CCDC47: variants seen among roughly 807,000 people sequenced by gnomAD.
The protein encoded by CCDC47 is coiled-coil domain containing 47.
A neutral mutation model predicts 60.5 loss-of-function variants in CCDC47; 41 were observed. The observed-to-expected ratio is 0.68, with a 90% confidence interval of 0.53 to 0.88. The LOEUF (loss-of-function observed/expected upper bound fraction) is 0.88. CCDC47 is among the 40% of genes least tolerant of loss of function. The probability of loss-of-function intolerance (pLI) is 0.00; values close to 1 mark genes in which losing one functional copy is unlikely to be tolerated. For synonymous variants in CCDC47, 195 were observed against 190.7 expected, an observed-to-expected ratio of 1.02 and a Z score of -0.18; for missense variants, 513 against 580.9, an observed-to-expected ratio of 0.88 and a Z score of 1.20.
intron 12 of CCDC47, chr17:63,751,638 A>G: frequency 1.9e-6 from 1 of 526,244 alleles, no homozygotes; most frequent in Non-Finnish European, 3.3e-6. Context: ...TTCTATTAAA[A>G]TTTCTAACTT....
intron 1 of CCDC47, among the ~76,000 whole-genome samples, chr17:63,769,916 A>G (rs1266643098): frequency 1.3e-5 from 2 of 151,370 alleles, no homozygotes; most frequent in African/African-American, 4.8e-5. Flanking sequence ...AATATTAGTT[A>G]GCTTGTATGG....
intron 4 of CCDC47, chr17:63,762,217 C>T (rs1204700382): frequency 3.0e-6 from 3 of 985,260 alleles, no homozygotes; most frequent in East Asian, 1.1e-4. Context: ...ATTGCTCAAC[C>T]TCACAAGGGA....
At chr17:63,747,249 A>AT in intron 12 of CCDC47, 1 of 984,962 alleles carries the variant, frequency 1.0e-6, no homozygotes, top group Non-Finnish European at 1.2e-6. Flanking sequence ...TTCTGGTTTG[A>AT]TTTTTTTCTG....
rs59161342 is a variant in CCDC47 at position 63,751,365 on chromosome 17, C to CAAAAAAAAAAAAAAAAAAAAAA, written c.1371+553_1371+574dup. On this transcript the variant is annotated intron_variant, in intron 12 of 12. Transcript: ENST00000225726. ...TGGGTGACAGAGTGAGACTCCATCT[C>CAAAAAAAAAAAAAAAAAAAAAA]AAAAAAAAAAAAAAAAAAAAAAAAA... Among the ~76,000 whole-genome samples, 16 of 29,512 alleles carry CAAAAAAAAAAAAAAAAAAAAAA rather than the reference C, an allele frequency of 5.4e-4. 1 individual carries two copies. The highest frequency in any genetic ancestry group is 6.7e-4 in the Non-Finnish European group (11 of 16,480). 19.4% of individuals were successfully genotyped at this position (29,512 alleles called of 152,430 possible).
chr17:63,762,270 G>C (rs1041904315), intron 4 of CCDC47: 1 of 984,528 alleles, frequency 1.0e-6, no homozygotes, highest in African/African-American at 1.7e-5. Context: ...AGGGGAAGTA[G>C]AAGGAGCCAA....
chr17:63,757,522 T>C (rs1184818658), intron 6 of CCDC47, among the ~76,000 whole-genome samples: 3 of 151,990 alleles, frequency 2.0e-5, no homozygotes, highest in Non-Finnish European at 4.4e-5. Context: ...GTTAAAACCC[T>C]AGAGGACCCA....
At chr17:63,767,809 A>G (rs2039308045) in intron 1 of CCDC47, among the ~76,000 whole-genome samples, 1 of 152,132 alleles carries the variant, frequency 6.6e-6, no homozygotes, top group African/African-American at 2.4e-5. Flanking sequence ...TCTCAAAATC[A>G]TCAGGTATCT....
chr17:63,769,782 CATA>C (rs2039323667), intron 1 of CCDC47, among the ~76,000 whole-genome samples: 1 of 152,054 alleles, frequency 6.6e-6, no homozygotes, highest in Non-Finnish European at 1.5e-5. Context: ...AAAAATATCT[CATA>C]ATGTTTTAAG....
intron 1 of CCDC47, 82 bp from the exon 2 acceptor site, chr17:63,766,276 C>T: frequency 2.3e-6 from 3 of 1,290,948 alleles, no homozygotes; most frequent in Non-Finnish European, 3.1e-6. Flanking sequence ...AATCTATAAA[C>T]CTCTCCTGCT....
In CCDC47 at chr17:63,756,515, C is replaced by T; in HGVS notation, c.791G>A (p.Gly264Asp). ...EDMDTYVFAV[G>D]TRKALVRLQK... ...TAGTCGCACCAAGGCTTTCCGTGTG[C>T]CAACAGCAAATACGTAGGTATCCAT... Residue 264 changes from glycine (G) to aspartate (D), a missense_variant, in exon 7 of 13, where the codon GGC becomes GAC. Transcript: ENST00000225726. 6.2e-7 allele frequency: 1 copy of T among 1,614,060 alleles called. No homozygotes were observed. Among genetic ancestry groups the T allele is most frequent in the East Asian group, 2.2e-5 (1 of 44,884 alleles).
In CCDC47 at chr17:63,752,736, C is replaced by T; in HGVS notation, c.1093+5G>A. 1.2e-6 allele frequency: 2 copies of T among 1,610,486 alleles called. No homozygotes were observed. The highest frequency in any genetic ancestry group is 2.2e-5 in the East Asian group (1 of 44,642). On this transcript the variant is annotated splice_donor_5th_base_variant and intron_variant, in intron 10 of 12. Transcript: ENST00000225726. Reference sequence around the variant, plus strand: ...AAGAACCCAGAAAGGACCCAGAATACTTACCATTAAATGTAAACAACAGTG... The same window carrying T: ...AAGAACCCAGAAAGGACCCAGAATATTTACCATTAAATGTAAACAACAGTG...
At chr17:63,759,578 A>G (rs183339791) in intron 6 of CCDC47, among the ~76,000 whole-genome samples, 1 of 104,922 alleles carries the variant, frequency 9.5e-6, no homozygotes, top group East Asian at 3.3e-4. Context: ...TATATATATA[A>G]AACAATGATT....
At position 63,760,968 on chromosome 17, in the gene CCDC47, T is replaced by G; in HGVS notation, c.681A>C (p.Arg227Ser). The change falls in exon 6 of 13, where the codon AGA becomes AGC. Residue 227 changes from arginine (R) to serine (S), a missense_variant. By Grantham distance (110) the Arg-to-Ser change is moderately radical. Transcript: ENST00000225726. ...GMLIQLRFLK[R>S]QDLLNVLARM... is the part of the protein sequence containing the mutation. ...GGGCCAGGACATTCAGTAAGTCTTG[T>G]CTCTTGAGGAACTGAAAAAAATGAG... 6.2e-7 allele frequency: 1 copy of G among 1,613,538 alleles called. No homozygotes were observed. Among genetic ancestry groups the G allele is most frequent in the Non-Finnish European group, 8.5e-7 (1 of 1,179,644 alleles).
rs1195744838 is a variant in CCDC47 at position 63,764,862 on chromosome 17, C to T, written c.265-15G>A. On this transcript the variant is annotated splice_polypyrimidine_tract_variant and intron_variant, in intron 2 of 12. Coordinates refer to ENST00000225726, the MANE Select transcript of CCDC47 (RefSeq NM_020198.3). ...GTATCTCCCTCCTACAAAAATGAGGCATCATCCGTTTTCCTCTACAAATGT... is the reference window on the plus strand; with the variant it reads ...GTATCTCCCTCCTACAAAAATGAGGTATCATCCGTTTTCCTCTACAAATGT... The T allele has an allele frequency of 1.9e-6, 3 of 1,605,796 alleles. No individual in the cohort carries two copies. The Admixed American group carries it at 5.2e-5, about 28-fold the overall frequency.
chr17:63,745,960 G>A lies in CCDC47; in HGVS notation c.*921C>T, dbSNP rs569947897. ...AAGAACATACCCAGCCTCAACTGTG[G>A]AAAAGATAAAAGCAGAGGGAGAAGC... On this transcript the variant is annotated 3_prime_UTR_variant, in exon 13 of 13. Coordinates refer to ENST00000225726, the MANE Select transcript of CCDC47 (RefSeq NM_020198.3). 9 of 152,254 alleles carry A rather than the reference G, an allele frequency of 5.9e-5. No homozygotes were observed. Among genetic ancestry groups the A allele is most frequent in the African/African-American group, 1.4e-4 (6 of 41,552 alleles). 9.4% of individuals were successfully genotyped at this position (152,254 alleles called of 1,614,324 possible).
Position 63,754,440 on chromosome 17 carries a change from TA to T in CCDC47, c.1026del (p.Met343CysfsTer8). 1 of 1,592,552 alleles carries T rather than the reference TA, an allele frequency of 6.3e-7. No individual in the cohort carries two copies. ...ATTTTATCTTATACGTACTCTTGCA[TA>T]ATTTTTGGACCAGAGAACTGGTCTG... ...HFSDQFSGPKIMQEEGQPLKL... is the reference protein window; with the variant it reads ...HFSDQFSGPKXMQEEGQPLKL... On this transcript the variant is annotated frameshift_variant, in exon 9 of 13. Transcript: ENST00000225726. LOFTEE classifies it high-confidence loss of function.
At chr17:63,753,824 G>A (rs1205616923) in intron 9 of CCDC47, among the ~76,000 whole-genome samples, 1 of 152,130 alleles carries the variant, frequency 6.6e-6, no homozygotes, top group Non-Finnish European at 1.5e-5. Context: ...AAGAACCTAT[G>A]GACTGGGGCA....
In CCDC47 at chr17:63,752,029, C is replaced by T; in HGVS notation, c.1282G>A (p.Ala428Thr). ...TTCTCCTCCCGCCGAGACTGTGCTG[C>T]TTCCTGTCTTTGCACATGTGTCAGT... Reference protein sequence around the residue: ...LKLTHVQRQEAAQSRREEKKR... With the variant: ...LKLTHVQRQETAQSRREEKKR... Residue 428 changes from alanine to threonine, a missense_variant, in exon 12 of 13, where the codon GCA becomes ACA. Ala to Thr is a moderately conservative substitution (Grantham distance 58). Coordinates refer to ENST00000225726, the MANE Select transcript of CCDC47 (RefSeq NM_020198.3). 1 of 1,613,802 alleles carries T rather than the reference C, an allele frequency of 6.2e-7. No homozygotes were observed. The highest frequency in any genetic ancestry group is 8.5e-7 in the Non-Finnish European group (1 of 1,179,966).
intron 1 of CCDC47, among the ~76,000 whole-genome samples, chr17:63,770,574 C>T (rs1320928366): frequency 6.6e-6 from 1 of 152,102 alleles, no homozygotes; most frequent in African/African-American, 2.4e-5. Context: ...TTTCAAGGTG[C>T]TCTGAGATGG....
Sources: gnomAD v4.1 joint callset for allele counts (sites outside exome capture counted in the v4.1 genomes callset) on GRCh38, gnomAD v4.1.1 for gene constraint, MANE v1.5 for transcripts, NCBI Gene and HGNC (gene_info 2026-07-23, HGNC 2026-07-21) for gene names.